The following ZNF808 variants were observed in gnomAD, a reference collection of about 807,000 sequenced individuals.
ZNF808 encodes the protein zinc finger protein 808.
In ZNF808, 5 loss-of-function variants were observed where a neutral mutation model predicts 8.7. The observed-to-expected ratio is 0.58, with a 90% CI of 0.30 to 1.21. The LOEUF is 1.21. Among genes scored for constraint, ZNF808 ranks in the 50% most tolerant of loss-of-function variants. The pLI, the probability that ZNF808 is intolerant of heterozygous loss-of-function variation, is 0.07. For missense variants in ZNF808, 1,103 were observed against 1,098.4 expected (o/e 1.00, Z -0.06); for synonymous variants, 380 against 366.0 (o/e 1.04, Z -0.44).
chr19:52,546,930 T>C (rs1432301196), intron 3 of ZNF808, among the ~76,000 whole-genome samples: 2 of 134,532 alleles, frequency 1.5e-5, no homozygotes, highest in Admixed American at 1.5e-4. Context: ...GCGAGAGCCA[T>C]TGCCTGGAAT....
intron 3 of ZNF808, among the ~76,000 whole-genome samples, chr19:52,546,024 T>A (rs1384376062): frequency 2.0e-5 from 3 of 152,224 alleles, no homozygotes; most frequent in Non-Finnish European, 2.9e-5. Flanking sequence ...TGATTTGTGG[T>A]AATTTTCCTA....
intron 2 of ZNF808, among the ~76,000 whole-genome samples, chr19:52,537,396 A>G (rs2059623739): frequency 6.6e-6 from 1 of 151,764 alleles, no homozygotes; most frequent in African/African-American, 2.4e-5. Context: ...ACAGTAATGA[A>G]GAAAGAGGGG....
chr19:52,558,610 T>G (rs1418402088), downstream of ZNF808, among the ~76,000 whole-genome samples: 2 of 151,992 alleles, frequency 1.3e-5, no homozygotes, highest in East Asian at 3.9e-4. Context: ...GACCTCGTGA[T>G]CCGCCCGCCT....
chr19:52,564,078 G>A lies in ZNF808; in HGVS notation c.*1183G>A, dbSNP rs747876441. 1.1e-3 allele frequency: 717 copies of A among 637,410 alleles called. 13 individuals are homozygous for A. Among genetic ancestry groups the A allele is most frequent in the Non-Finnish European group, 2.3e-4 (81 of 345,222 alleles). The allele number at this position is 637,410 out of a possible 1,614,324, so 39.5% of individuals were successfully genotyped here. A position where few individuals can be genotyped will look rare whatever the true frequency, so the allele number is the denominator to read the frequency against. On this transcript the variant is annotated 3_prime_UTR_variant and NMD_transcript_variant, in exon 4 of 4. Coordinates refer to the ZNF808 transcript ENST00000487863. ...TGTGCTTGACTCCACTTCTTGTCAT[G>A]TCTTCTCACAAGACTTTCAGGATTA...
At chr19:52,541,785 T>C (rs1482105150) in intron 2 of ZNF808, among the ~76,000 whole-genome samples, 1 of 152,130 alleles carries the variant, frequency 6.6e-6, no homozygotes, top group African/African-American at 2.4e-5. Flanking sequence ...CACGACTCCA[T>C]GTCCCCTGCA....
rs549096847 is a variant in ZNF808, at chr19:52,554,477, C to T, written c.1561C>T (p.Arg521Cys). Reference sequence around the variant, plus strand: ...GTGTAATCAGTGTGGCAATACCTTCCGTCACCGGGCATCCCTTGTATACCA... The same window carrying T: ...GTGTAATCAGTGTGGCAATACCTTCTGTCACCGGGCATCCCTTGTATACCA... ...YKCNQCGNTF[R>C]HRASLVYHRR... The change falls in exon 5 of 5, where the codon CGT becomes TGT. Residue 521 changes from arginine (R) to cysteine (C), a missense_variant. Arg to Cys is a radical substitution (Grantham distance 180, BLOSUM62 -3). Coordinates refer to ENST00000359798, the MANE Select transcript of ZNF808 (RefSeq NM_001039886.4). The T allele has an allele frequency of 7.9e-5, 127 of 1,614,042 alleles. 2 individuals are homozygous for T. The highest frequency in any genetic ancestry group is 2.1e-4 in the South Asian group (19 of 91,074).
At chr19:52,567,486 TTTA>T (rs199989177), downstream of ZNF808, among the ~76,000 whole-genome samples, 5,733 of 36,956 alleles carry the variant, frequency 0.16, 171 homozygotes, top group Non-Finnish European at 0.21. Context: ...AGCTGTATTT[TTTA>T]TTATTATTAT....
At chr19:52,547,047 A>G (rs1308512606) in intron 3 of ZNF808, among the ~76,000 whole-genome samples, 3 of 149,812 alleles carry the variant, frequency 2.0e-5, no homozygotes, top group African/African-American at 7.4e-5. Context: ...TCCTGGGTTC[A>G]AGTGATTCTC....
chr19:52,560,319 CCTT>C (rs1158896895), downstream of ZNF808, among the ~76,000 whole-genome samples: 14 of 149,204 alleles, frequency 9.4e-5, no homozygotes, highest in Admixed American at 2.0e-4. Flanking sequence ...GAGTGACACT[CCTT>C]CTCAAAAAAA....
rs1180987320 is a variant in ZNF808 at position 52,555,845 on chromosome 19, CAGG to C, written c.*220_*222del. The C allele has an allele frequency of 1.4e-5, 11 of 767,320 alleles. No individual in the cohort carries two copies. Among genetic ancestry groups the C allele is most frequent in the Non-Finnish European group, 2.5e-5 (11 of 434,332 alleles). 47.5% of individuals were successfully genotyped at this position (767,320 alleles called of 1,614,324 possible). A position where few individuals can be genotyped will look rare whatever the true frequency, so the allele number is the denominator to read the frequency against. On this transcript the variant is annotated 3_prime_UTR_variant, in exon 5 of 5. Transcript: ENST00000359798. ...CAGTCAAGCTTCATCCTATGCAAAA[CAGG>C]AGAATTCATACAGGAGAGAAACCTC...
At chr19:52,535,348 AAAAAAAAG>A (rs1202588759) in intron 2 of ZNF808, among the ~76,000 whole-genome samples, 1 of 150,448 alleles carries the variant, frequency 6.6e-6, no homozygotes, top group African/African-American at 2.4e-5. Flanking sequence ...AAAAAAAAAA[AAAAAAAAG>A]AGAGAAAAGG....
At chr19:52,540,870 G>A (rs551058718) in intron 2 of ZNF808, among the ~76,000 whole-genome samples, 2 of 152,162 alleles carry the variant, frequency 1.3e-5, no homozygotes, top group Non-Finnish European at 1.5e-5. Flanking sequence ...TGATATGTTT[G>A]GGATTGATGC....
intron 2 of ZNF808, among the ~76,000 whole-genome samples, chr19:52,540,639 A>G (rs2059661489): frequency 6.6e-6 from 1 of 152,048 alleles, no homozygotes; most frequent in Non-Finnish European, 1.5e-5. Context: ...GCTTCTAAGT[A>G]AGTGTCCCCT....
intron 2 of ZNF808, among the ~76,000 whole-genome samples, chr19:52,533,296 G>A (rs112834688): frequency 0.032 from 4,794 of 151,834 alleles, 253 homozygotes; most frequent in African/African-American, 0.11. Flanking sequence ...GTGCGATCTC[G>A]GCTCACTGCA....
intron 4 of ZNF808, 30 bp from the exon 5 acceptor site, chr19:52,553,077 T>C: frequency 6.6e-7 from 1 of 1,514,560 alleles, no homozygotes; most frequent in South Asian, 1.4e-5. Context: ...TGTACTTAAT[T>C]GGAAATGTAT....
At chr19:52,550,916 TTC>T (rs1215885001) in intron 4 of ZNF808, among the ~76,000 whole-genome samples, 1 of 152,130 alleles carries the variant, frequency 6.6e-6, no homozygotes, top group Admixed American at 6.6e-5. Context: ...CATCTCACTG[TTC>T]TGTCAGAAAT....
downstream of ZNF808, among the ~76,000 whole-genome samples, chr19:52,565,208 G>C (rs1352376222): frequency 1.3e-5 from 2 of 152,178 alleles, no homozygotes; most frequent in African/African-American, 4.8e-5. Context: ...AACTTGGGAG[G>C]CGGAGGTTGC....
exon 4 of ZNF808, chr19:52,563,769 C>T (rs1444673733): frequency 6.1e-6 from 1 of 165,070 alleles, no homozygotes; most frequent in African/African-American, 2.4e-5. Context: ...GAACAGCAAA[C>T]AGGAGAAACA....
downstream of ZNF808, among the ~76,000 whole-genome samples, chr19:52,557,976 C>G (rs562076524): frequency 2.1e-5 from 3 of 145,512 alleles, no homozygotes; most frequent in East Asian, 6.4e-4. Flanking sequence ...GACTCTGACC[C>G]CTGAAATGAC....
Sources: allele counts gnomAD v4.1 joint callset (sites outside exome capture counted in the v4.1 genomes callset), GRCh38; gene constraint gnomAD v4.1.1; transcripts MANE v1.5; gene names NCBI Gene and HGNC (gene_info 2026-07-23, HGNC 2026-07-21).